The following TMEM229B variants were observed in gnomAD, a reference collection of about 807,000 sequenced individuals.
TMEM229B encodes chromosome 14 open reading frame 83.
Under a neutral mutation model 13.7 loss-of-function variants are expected in TMEM229B, and 6 were observed. That is an observed-to-expected ratio of 0.44 (90% CI 0.24 to 0.86). The LOEUF (loss-of-function observed/expected upper bound fraction) is 0.86. Among genes scored for constraint, TMEM229B ranks in the 40% least tolerant of loss-of-function variants. The probability of loss-of-function intolerance (pLI) is 0.23; values close to 1 mark genes in which losing one functional copy is unlikely to be tolerated. For synonymous variants in TMEM229B, 107 were observed against 102.1 expected, an observed-to-expected ratio of 1.05 and a Z score of -0.29; for missense variants, 170 against 236.0, an observed-to-expected ratio of 0.72 and a Z score of 1.83.
intron 2 of TMEM229B, among the ~76,000 whole-genome samples, chr14:67,478,432 A>G (rs1224677069): frequency 6.6e-6 from 1 of 152,184 alleles, no homozygotes; most frequent in Non-Finnish European, 1.5e-5. Flanking sequence ...CGCCCTCATC[A>G]TGTCTCACCT....
chr14:67,502,578 G>A (rs538702943), intron 1 of TMEM229B, among the ~76,000 whole-genome samples: 1 of 148,186 alleles, frequency 6.7e-6, no homozygotes, highest in South Asian at 2.2e-4. Context: ...TTAGCCTCCT[G>A]AGTAGCTGGG....
At chr14:67,480,172 A>G (rs2031495077) in intron 2 of TMEM229B, among the ~76,000 whole-genome samples, 2 of 152,164 alleles carry the variant, frequency 1.3e-5, no homozygotes, top group African/African-American at 2.4e-5. Context: ...AGACCTCTGG[A>G]CAGCCCCTCC....
At position 67,472,726 on chromosome 14, in the gene TMEM229B, A is replaced by G. The variant is rs889396363; in HGVS notation, c.*694T>C. 1 of 152,750 alleles carries G rather than the reference A, an allele frequency of 6.5e-6. No individual in the cohort carries two copies. Among genetic ancestry groups the G allele is most frequent in the Non-Finnish European group, 1.5e-5 (1 of 68,230 alleles). 9.5% of individuals were successfully genotyped at this position (152,750 alleles called of 1,614,324 possible). A position where few individuals can be genotyped will look rare whatever the true frequency, so the allele number is the denominator to read the frequency against. On this transcript the variant is annotated 3_prime_UTR_variant, in exon 3 of 3. Coordinates refer to ENST00000554480, the MANE Select transcript of TMEM229B (RefSeq NM_001348543.2). ...CGCTAGTGGTAAAGGCTTTGAAAAC[A>G]AGACAGAAAAGGGGGAAACGCCACC... is the stretch of plus-strand genomic sequence containing the variant.
At chr14:67,515,486 G>C (rs1387145871), upstream of TMEM229B, 1 of 158,140 alleles carries the variant, frequency 6.3e-6, no homozygotes, top group East Asian at 1.9e-4. Flanking sequence ...GCTCGCGTCT[G>C]ACAGGCGCTC....
intron 1 of TMEM229B, among the ~76,000 whole-genome samples, chr14:67,507,436 G>T (rs2032867367): frequency 6.6e-6 from 1 of 152,112 alleles, no homozygotes; most frequent in African/African-American, 2.4e-5. Flanking sequence ...GGGATAGGGG[G>T]AAGAATCCTG....
chr14:67,508,135 C>CAAAAAAAAAAAAAAAAAAAAAAAAA (rs34715322), intron 1 of TMEM229B, among the ~76,000 whole-genome samples: 13 of 130,608 alleles, frequency 1.0e-4, no homozygotes, highest in African/African-American at 3.9e-4. Flanking sequence ...AACTCCATCT[C>CAAAAAAAAAAAAAAAAAAAAAAAAA]AAAAAAAAAA....
upstream of TMEM229B, chr14:67,515,593 C>G (rs1320868168): frequency 2.0e-5 from 3 of 152,788 alleles, no homozygotes; most frequent in Non-Finnish European, 4.4e-5. Flanking sequence ...GGGTCGGCCC[C>G]GCCACGGGCG....
At chr14:67,515,793 G>A (rs2033188515), upstream of TMEM229B, among the ~76,000 whole-genome samples, 1 of 152,008 alleles carries the variant, frequency 6.6e-6, no homozygotes, top group South Asian at 2.1e-4. Context: ...GAGGGCCACA[G>A]ACCACGTGGT....
chr14:67,503,775 C>A (rs1037347903), intron 1 of TMEM229B, among the ~76,000 whole-genome samples: 13 of 151,926 alleles, frequency 8.6e-5, no homozygotes, highest in African/African-American at 3.1e-4. Context: ...GCGATCTCAG[C>A]TCACTGCAAC....
At chr14:67,528,875 T>G (rs2033406064) in intron 1 of TMEM229B, among the ~76,000 whole-genome samples, 1 of 152,184 alleles carries the variant, frequency 6.6e-6, no homozygotes, top group Non-Finnish European at 1.5e-5. Flanking sequence ...CCCACTGATC[T>G]GAATAGCTAG....
In TMEM229B at chr14:67,473,143, C is replaced by T. The variant is rs2030877721; in HGVS notation, c.*277G>A. The T allele has an allele frequency of 2.1e-6, 1 of 473,324 alleles. No individual in the cohort carries two copies. The highest frequency in any genetic ancestry group is 2.0e-5 in the African/African-American group (1 of 51,258). The allele number at this position is 473,324 out of a possible 1,614,324, so 29.3% of individuals were successfully genotyped here. A position where few individuals can be genotyped will look rare whatever the true frequency, so the allele number is the denominator to read the frequency against. On this transcript the variant is annotated 3_prime_UTR_variant, in exon 3 of 3. Coordinates refer to ENST00000554480, the MANE Select transcript of TMEM229B (RefSeq NM_001348543.2). This position sits in a 1 kb window ranked among gnomAD's most constrained non-coding sequence, Gnocchi z 6.5. Reference sequence around the variant, plus strand: ...AAGTCAACTACATAGTCCATCGCTGCTCAGCCACAGGCCTCCTGGTACCAA... The same window carrying T: ...AAGTCAACTACATAGTCCATCGCTGTTCAGCCACAGGCCTCCTGGTACCAA...
intron 1 of TMEM229B, among the ~76,000 whole-genome samples, chr14:67,532,298 C>T (rs749715084): frequency 6.6e-6 from 1 of 152,104 alleles, no homozygotes; most frequent in African/African-American, 2.4e-5. Flanking sequence ...GAGAAACAGG[C>T]GCTGATGGTA....
intron 1 of TMEM229B, among the ~76,000 whole-genome samples, chr14:67,531,949 T>C (rs985495130): frequency 6.7e-6 from 1 of 149,542 alleles, no homozygotes; most frequent in Admixed American, 6.7e-5. Flanking sequence ...AATGAATTAA[T>C]GTCTTCTTAG....
intron 1 of TMEM229B, among the ~76,000 whole-genome samples, chr14:67,511,101 A>C (rs2033009280): frequency 6.6e-6 from 1 of 152,182 alleles, no homozygotes; most frequent in Non-Finnish European, 1.5e-5. Flanking sequence ...ATGGAAACGG[A>C]TCATTCCAGA....
At chr14:67,475,002 G>A (rs527239704) in intron 2 of TMEM229B, among the ~76,000 whole-genome samples, 10 of 140,066 alleles carry the variant, frequency 7.1e-5, no homozygotes, top group South Asian at 6.8e-4. Flanking sequence ...TGCAACCTCC[G>A]CCTCCTGGGT....
chr14:67,492,680 G>A (rs976930238), upstream of TMEM229B, among the ~76,000 whole-genome samples: 10 of 152,216 alleles, frequency 6.6e-5, no homozygotes, highest in Admixed American at 3.3e-4. Context: ...ACAGGACTCC[G>A]CTTTTCACAG....
chr14:67,520,691 T>C (rs2033278189), intron 1 of TMEM229B, among the ~76,000 whole-genome samples: 1 of 151,642 alleles, frequency 6.6e-6, no homozygotes, highest in Non-Finnish European at 1.5e-5. Flanking sequence ...CCTTTGGGCG[T>C]ACCACAGTTT....
chr14:67,508,753 C>CAAAAAAAAAATAAAAAA (rs2032920422), intron 1 of TMEM229B, among the ~76,000 whole-genome samples: 1 of 46,714 alleles, frequency 2.1e-5, no homozygotes, highest in Non-Finnish European at 4.7e-5. Flanking sequence ...AACCTTGTCT[C>CAAAAAAAAAATAAAAAA]AAAAAAAAAA....
intron 2 of TMEM229B, among the ~76,000 whole-genome samples, chr14:67,480,695 G>A (rs940913834): frequency 3.9e-5 from 6 of 152,144 alleles, no homozygotes; most frequent in Admixed American, 1.3e-4. Context: ...CCCAGGGCCC[G>A]GGCTGAGGGA....
Sources: allele counts gnomAD v4.1 joint callset (sites outside exome capture counted in the v4.1 genomes callset), GRCh38; gene constraint gnomAD v4.1.1; non-coding constraint Gnocchi (gnomAD v3.1); transcripts MANE v1.5; gene names NCBI Gene and HGNC (gene_info 2026-07-23, HGNC 2026-07-21).